THSD4: variants seen among roughly 807,000 people sequenced by gnomAD.
THSD4 encodes thrombospondin type-1 domain-containing protein 4.
In THSD4, 69 loss-of-function variants were observed where a neutral mutation model predicts 119.0. The observed-to-expected ratio is 0.58, with a 90% confidence interval of 0.48 to 0.71. THSD4 has a LOEUF of 0.71. THSD4 is among the 30% of genes least tolerant of loss of function. The probability of loss-of-function intolerance (pLI) is 0.00; values close to 1 mark genes in which losing one functional copy is unlikely to be tolerated. For synonymous variants in THSD4, 524 were observed against 540.4 expected (o/e 0.97, Z 0.42); for missense variants, 1,393 against 1,391.1 (o/e 1.00, Z -0.02).
chr15:71,304,977 C>T (rs531327879), intron 6 of THSD4, among the ~76,000 whole-genome samples: 6 of 152,298 alleles, frequency 3.9e-5, no homozygotes, highest in African/African-American at 1.4e-4. Context: ...AATAAACACA[C>T]GAGGCTTGTT....
At chr15:71,117,289 G>A (rs1305172189) in intron 1 of THSD4, among the ~76,000 whole-genome samples, 2 of 152,144 alleles carry the variant, frequency 1.3e-5, no homozygotes, top group Non-Finnish European at 2.9e-5. Context: ...GAAAAATACA[G>A]CCCAGAGTTT....
At chr15:71,204,120 C>T (rs2043824980) in intron 3 of THSD4, among the ~76,000 whole-genome samples, 1 of 152,206 alleles carries the variant, frequency 6.6e-6, no homozygotes, top group African/African-American at 2.4e-5. Context: ...ACAGAGACAT[C>T]TGCTTCTGTT....
intron 6 of THSD4, among the ~76,000 whole-genome samples, chr15:71,369,826 T>A (rs1178050859): frequency 6.6e-6 from 1 of 152,222 alleles, no homozygotes; most frequent in East Asian, 1.9e-4. Context: ...CCTCTTTTTC[T>A]ATTGATTGGA....
At chr15:71,570,898 C>T (rs1194571488) in intron 7 of THSD4, among the ~76,000 whole-genome samples, 1 of 152,202 alleles carries the variant, frequency 6.6e-6, no homozygotes, top group East Asian at 1.9e-4. Flanking sequence ...TCCCAGACTA[C>T]ACTCCAGGGT....
chr15:71,617,754 CATTCGTGA>C (rs2050344889), intron 7 of THSD4, among the ~76,000 whole-genome samples: 1 of 152,220 alleles, frequency 6.6e-6, no homozygotes, highest in Non-Finnish European at 1.5e-5. Flanking sequence ...ATGGTTTCTC[CATTCGTGA>C]ATTTTGCTGA....
At chr15:71,588,376 A>C (rs1268788082) in intron 7 of THSD4, among the ~76,000 whole-genome samples, 1 of 151,052 alleles carries the variant, frequency 6.6e-6, no homozygotes, top group Non-Finnish European at 1.5e-5. Flanking sequence ...AGGAAATATC[A>C]TACTGGTGCT....
At chr15:71,191,824 T>C (rs660620) in intron 3 of THSD4, among the ~76,000 whole-genome samples, 132,398 of 151,768 alleles carry the variant, frequency 0.87, 60,277 homozygotes, top group East Asian at 1. Flanking sequence ...TCCTCCTCTA[T>C]ATTTTTGCCC....
At chr15:71,394,266 C>CTTTTT (rs58372446) in intron 6 of THSD4, among the ~76,000 whole-genome samples, 8 of 89,676 alleles carry the variant, frequency 8.9e-5, no homozygotes, top group East Asian at 3.8e-4. Flanking sequence ...ACACATTTGT[C>CTTTTT]TTTTTTTTTT....
At chr15:71,280,548 C>A (rs982475114) in intron 6 of THSD4, among the ~76,000 whole-genome samples, 3 of 152,090 alleles carry the variant, frequency 2.0e-5, no homozygotes, top group African/African-American at 7.2e-5. Flanking sequence ...TTTTTCTGTT[C>A]CTGCACAGCA....
intron 6 of THSD4, among the ~76,000 whole-genome samples, chr15:71,313,661 A>G (rs1426825139): frequency 1.3e-5 from 2 of 152,188 alleles, no homozygotes; most frequent in East Asian, 3.8e-4. Context: ...TGAGGGAAGG[A>G]GAGACTCTTT....
chr15:71,450,095 TG>T (rs2140578811), intron 7 of THSD4, among the ~76,000 whole-genome samples: 1 of 152,324 alleles, frequency 6.6e-6, no homozygotes, highest in African/African-American at 2.4e-5. Context: ...AGGGATTGTG[TG>T]GGACAAATAT....
At chr15:71,376,073 A>G (rs1168544668) in intron 6 of THSD4, among the ~76,000 whole-genome samples, 1 of 152,166 alleles carries the variant, frequency 6.6e-6, no homozygotes, top group Non-Finnish European at 1.5e-5. Context: ...TAATGGCGAG[A>G]GTTCTTATGC....
At chr15:71,477,611 T>C (rs1310018494) in intron 7 of THSD4, among the ~76,000 whole-genome samples, 2 of 152,190 alleles carry the variant, frequency 1.3e-5, no homozygotes, top group Admixed American at 6.5e-5. Context: ...CTTCTATCTG[T>C]AGGTCCTCAG....
intron 7 of THSD4, among the ~76,000 whole-genome samples, chr15:71,439,404 T>C (rs573136232): frequency 1.1e-3 from 164 of 152,344 alleles, no homozygotes; most frequent in African/African-American, 3.8e-3. Context: ...AGGAACACTT[T>C]TACACTGTTG....
At chr15:71,408,040 C>G (rs2046631452) in intron 6 of THSD4, among the ~76,000 whole-genome samples, 1 of 152,088 alleles carries the variant, frequency 6.6e-6, no homozygotes, top group Non-Finnish European at 1.5e-5. Context: ...GAAGTTTGTG[C>G]CCACTTCCTC....
At chr15:71,744,978 A>G (rs2141167705) in intron 11 of THSD4, 128 bp from the exon 12 acceptor site, 1 of 1,189,046 alleles carries the variant, frequency 8.4e-7, no homozygotes, top group Non-Finnish European at 1.2e-6. Context: ...GTGTGCATGC[A>G]TGTGTGAATT....
intron 7 of THSD4, among the ~76,000 whole-genome samples, chr15:71,506,534 T>G (rs1270829523): frequency 6.6e-6 from 1 of 152,174 alleles, no homozygotes; most frequent in Non-Finnish European, 1.5e-5. Context: ...TGTCGAACCT[T>G]TAGTCCCCTC....
chr15:71,312,606 A>G (rs1297552081), intron 6 of THSD4, among the ~76,000 whole-genome samples: 1 of 152,102 alleles, frequency 6.6e-6, no homozygotes, highest in Non-Finnish European at 1.5e-5. Context: ...TCATTACGGC[A>G]GCCCTAGAAA....
At chr15:71,322,348 GAA>G in intron 6 of THSD4, among the ~76,000 whole-genome samples, 1 of 152,038 alleles carries the variant, frequency 6.6e-6, no homozygotes, top group East Asian at 1.9e-4. Flanking sequence ...AAATGTGTCA[GAA>G]AAAAGTGAGG....
Sources: gnomAD v4.1 joint callset for allele counts (sites outside exome capture counted in the v4.1 genomes callset) on GRCh38, gnomAD v4.1.1 for gene constraint, MANE v1.5 for transcripts, NCBI Gene and HGNC (gene_info 2026-07-23, HGNC 2026-07-21) for gene names.